DENND2A: variants seen among roughly 807,000 people sequenced by gnomAD.
The protein encoded by DENND2A is DENN domain containing 2A.
Under a neutral mutation model 105.3 loss-of-function variants are expected in DENND2A, and 53 were observed. The ratio of observed to expected loss-of-function variants is 0.50; its 90% CI spans 0.40 to 0.63. The LOEUF (loss-of-function observed/expected upper bound fraction) is 0.63, where lower values mean the gene tolerates loss of function less well. DENND2A is among the 30% of genes least tolerant of loss of function. The pLI is 0.00. For missense variants in DENND2A, 1,138 were observed against 1,279.6 expected (o/e 0.89, Z 1.69); for synonymous variants, 522 against 508.4 (o/e 1.03, Z -0.36).
chr7:140,519,606 T>C (rs1217206264), intron 19 of DENND2A, 26 bp downstream of exon 19: 16 of 1,606,314 alleles, frequency 1.0e-5, no homozygotes, highest in African/African-American at 1.3e-5. Context: ...GCACACAGGC[T>C]GGGCACCCAG....
chr7:140,633,134 T>C (rs1160752326), intron 1 of DENND2A, among the ~76,000 whole-genome samples: 1 of 151,770 alleles, frequency 6.6e-6, no homozygotes, highest in Non-Finnish European at 1.5e-5. Flanking sequence ...GTTCACACCA[T>C]TCTCCTGTCT....
At chr7:140,534,939 G>A (rs1796406640) in intron 14 of DENND2A, among the ~76,000 whole-genome samples, 1 of 152,160 alleles carries the variant, frequency 6.6e-6, no homozygotes, top group African/African-American at 2.4e-5. Flanking sequence ...GTCCAAGGAT[G>A]TTTTGCTGTT....
intron 5 of DENND2A, among the ~76,000 whole-genome samples, chr7:140,583,729 ACCAT>A (rs1798644938): frequency 6.7e-6 from 1 of 149,432 alleles, no homozygotes; most frequent in Non-Finnish European, 1.5e-5. Context: ...GGAGATCGAG[ACCAT>A]CCTGTGAATG....
At chr7:140,518,770 A>AG in intron 19 of DENND2A, 32 bp from the exon 20 acceptor site, 1 of 1,608,742 alleles carries the variant, frequency 6.2e-7, no homozygotes, top group South Asian at 1.1e-5. Flanking sequence ...ACATTTCACA[A>AG]GGCAGACAAA....
rs750538500 is a variant in DENND2A, at chr7:140,559,766, T to C, written c.1831A>G (p.Ile611Val). The C allele has an allele frequency of 6.2e-7, 1 of 1,614,178 alleles. No individual in the cohort carries two copies. Among genetic ancestry groups the C allele is most frequent in the Non-Finnish European group, 8.5e-7 (1 of 1,180,014 alleles). Residue 611 changes from isoleucine (I) to valine (V), a missense_variant, in exon 10 of 20, where the codon ATT becomes GTT. Physicochemically the swap from Ile to Val is conservative, Grantham distance 29. This residue lies in a region of DENND2A where 627 missense variants were observed against 779.8 expected (regional missense o/e 0.80). Transcript: ENST00000496613. The surrounding 1 kb of genome is among the most constrained non-coding windows in gnomAD (Gnocchi z 4.1). Reference sequence around the variant, plus strand: ...GCATCGGGAAAACAGAACTGGGGAATGGCCTTCAGTTGGTCCTCAGCTTCT... The same window carrying C: ...GCATCGGGAAAACAGAACTGGGGAACGGCCTTCAGTTGGTCCTCAGCTTCT... ...MREAEDQLKAIPQFCFPDAKD... is the reference protein window; with the variant it reads ...MREAEDQLKAVPQFCFPDAKD...
chr7:140,523,310 G>A lies in DENND2A; in HGVS notation c.2662C>T (p.His888Tyr), dbSNP rs764986251. The A allele has an allele frequency of 4.5e-5, 73 of 1,613,978 alleles. No homozygotes were observed. The highest frequency in any genetic ancestry group is 5.8e-5 in the Non-Finnish European group (69 of 1,179,974). Residue 888 changes from histidine (H) to tyrosine (Y), a missense_variant, in exon 17 of 20, where the codon CAC becomes TAC. This residue lies in a region of DENND2A where 627 missense variants were observed against 779.8 expected (regional missense o/e 0.80). Coordinates refer to ENST00000496613, the MANE Select transcript of DENND2A (RefSeq NM_015689.5). The surrounding 1 kb of genome is among the most constrained non-coding windows in gnomAD (Gnocchi z 4.5). ...EQDEGPLDGR[H>Y]GPESSPLNEV... ...TGGGAGGTGGCTGAACACTTACCGTGCCTGCCGTCTAGGGGCCCTTCGTCC... is the reference window on the plus strand; with the variant it reads ...TGGGAGGTGGCTGAACACTTACCGTACCTGCCGTCTAGGGGCCCTTCGTCC...
intron 14 of DENND2A, among the ~76,000 whole-genome samples, chr7:140,540,502 G>A (rs891346837): frequency 6.6e-6 from 1 of 152,248 alleles, no homozygotes; most frequent in Admixed American, 6.5e-5. Flanking sequence ...GCAGGGCAGG[G>A]AGGGTGGCTG....
At chr7:140,595,631 T>C (rs937446584) in intron 3 of DENND2A, among the ~76,000 whole-genome samples, 2 of 152,040 alleles carry the variant, frequency 1.3e-5, no homozygotes, top group Non-Finnish European at 1.5e-5. Context: ...TAGCTGGGTG[T>C]GGTGGCATGT....
Position 140,527,756 on chromosome 7 carries a change from G to A in DENND2A, c.2328-261C>T, listed in dbSNP as rs570897997. ...GTGCGTTTCCACATGTGAGCTGCACGCCCTGCACTCTCCCGCCCTGACCTT... is the reference window on the plus strand; with the variant it reads ...GTGCGTTTCCACATGTGAGCTGCACACCCTGCACTCTCCCGCCCTGACCTT... On this transcript the variant is annotated intron_variant, in intron 14 of 19. Coordinates refer to ENST00000496613, the MANE Select transcript of DENND2A (RefSeq NM_015689.5). This position sits in a 1 kb window ranked among gnomAD's most constrained non-coding sequence, Gnocchi z 4.9. 6.6e-5 allele frequency among the ~76,000 whole-genome samples: 10 copies of A among 152,276 alleles called. No homozygotes were observed. The East Asian group carries it at 1.5e-3, about 24-fold the overall frequency.
chr7:140,524,475 G>C (rs903760196), intron 16 of DENND2A, among the ~76,000 whole-genome samples: 1 of 152,220 alleles, frequency 6.6e-6, no homozygotes, highest in African/African-American at 2.4e-5. Flanking sequence ...GACAACAAGC[G>C]TTAATGTTTT....
At chr7:140,622,739 C>T (rs1800341649) in intron 1 of DENND2A, among the ~76,000 whole-genome samples, 1 of 151,264 alleles carries the variant, frequency 6.6e-6, no homozygotes, top group South Asian at 2.1e-4. Context: ...TCTTCTTCTT[C>T]TTCTTATTTT....
chr7:140,559,287 T>C lies in DENND2A; in HGVS notation c.1889+421A>G, dbSNP rs541923806. 6.6e-6 allele frequency among the ~76,000 whole-genome samples: 1 copy of C among 151,856 alleles called. No homozygotes were observed. Among genetic ancestry groups the C allele is most frequent in the East Asian group, 1.9e-4 (1 of 5,154 alleles). ...AAGACAGGACCCGCAGCCTACTGAGTTTGGCCAAATGCGGAAACATCTGAT... is the reference window on the plus strand; with the variant it reads ...AAGACAGGACCCGCAGCCTACTGAGCTTGGCCAAATGCGGAAACATCTGAT... On this transcript the variant is annotated intron_variant, in intron 10 of 19. Transcript: ENST00000496613. This position sits in a 1 kb window ranked among gnomAD's most constrained non-coding sequence, Gnocchi z 4.1.
At chr7:140,524,008 T>G (rs1420973348) in intron 16 of DENND2A, among the ~76,000 whole-genome samples, 2 of 152,138 alleles carry the variant, frequency 1.3e-5, no homozygotes, top group African/African-American at 4.8e-5. Flanking sequence ...GAGAGGATAC[T>G]CAATAGATGA....
In DENND2A at chr7:140,529,233, T is replaced by C. The variant is rs191279235; in HGVS notation, c.2328-1738A>G. Among the ~76,000 whole-genome samples the C allele has an allele frequency of 1.6e-3, 243 of 151,920 alleles. 1 individual carries two copies. The highest frequency in any genetic ancestry group is 2.3e-3 in the Non-Finnish European group (153 of 67,960). On this transcript the variant is annotated intron_variant, in intron 14 of 19. Transcript: ENST00000496613. ...TAGCATTTTGGGAGGCCGAGGTGAG[T>C]GGATCACCTGAGGTCAGCAGTTCGA...
chr7:140,533,794 T>C (rs1443916490), intron 14 of DENND2A, among the ~76,000 whole-genome samples: 1 of 152,208 alleles, frequency 6.6e-6, no homozygotes, highest in Non-Finnish European at 1.5e-5. Flanking sequence ...CAAACGTTTC[T>C]GTACCTGGTT....
Position 140,546,917 on chromosome 7 carries a change from CT to C in DENND2A, c.2059del (p.Arg687AspfsTer13). ...FSRILDEVEK[R>X]RGISPALVQP... is the part of the protein sequence containing the mutation. ...AACCAGGGCAGGAGAGATGCCTCGT[CT>C]TTTTTCCACCTCATCCAAGATCTGC... On this transcript the variant is annotated frameshift_variant, in exon 13 of 20. Transcript: ENST00000496613. LOFTEE classifies it high-confidence loss of function. 6.2e-7 allele frequency: 1 copy of C among 1,613,536 alleles called. No individual in the cohort carries two copies. The highest frequency in any genetic ancestry group is 8.5e-7 in the Non-Finnish European group (1 of 1,179,638).
chr7:140,639,486 G>A (rs966603108), intron 1 of DENND2A, among the ~76,000 whole-genome samples: 13 of 151,708 alleles, frequency 8.6e-5, no homozygotes, highest in Admixed American at 5.9e-4. Context: ...ACTTCCTCTC[G>A]GAGTTCTGCT....
At chr7:140,604,182 G>A (rs978066072) in intron 2 of DENND2A, among the ~76,000 whole-genome samples, 6 of 152,212 alleles carry the variant, frequency 3.9e-5, no homozygotes, top group Admixed American at 1.3e-4. Flanking sequence ...AAGGTTCACC[G>A]TGAGGGATGA....
chr7:140,572,212 G>A (rs1253106160), intron 6 of DENND2A, among the ~76,000 whole-genome samples: 1 of 151,712 alleles, frequency 6.6e-6, no homozygotes, highest in African/African-American at 2.4e-5. Flanking sequence ...CCACCATGTT[G>A]CCCAGGCTGG....
Sources: allele counts gnomAD v4.1 joint callset (sites outside exome capture counted in the v4.1 genomes callset), GRCh38; gene constraint gnomAD v4.1.1; regional missense constraint gnomAD v4.1.1; non-coding constraint Gnocchi (gnomAD v3.1); transcripts MANE v1.5; gene names NCBI Gene and HGNC (gene_info 2026-07-23, HGNC 2026-07-21).